The following GALNTL6 variants were observed in gnomAD, a reference collection of about 807,000 sequenced individuals.
The protein encoded by GALNTL6 is polypeptide N-acetylgalactosaminyltransferase like 6.
Under a neutral mutation model 73.7 loss-of-function variants are expected in GALNTL6, and 46 were observed. That is an observed-to-expected ratio of 0.62 (90% CI 0.49 to 0.80). The LOEUF is 0.80. Ranked by LOEUF, GALNTL6 falls within the 30% of genes least tolerant of loss-of-function variation. GALNTL6 has a pLI of 0.00. For synonymous variants in GALNTL6, 259 were observed against 263.7 expected (o/e 0.98, Z 0.17); for missense variants, 604 against 755.0 (o/e 0.80, Z 2.34).
At chr4:172,557,684 A>T (rs1560806548) in intron 5 of GALNTL6, among the ~76,000 whole-genome samples, 1 of 152,220 alleles carries the variant, frequency 6.6e-6, no homozygotes, top group Non-Finnish European at 1.5e-5. Context: ...TAAAACCATT[A>T]TGAAATACTA....
intron 2 of GALNTL6, among the ~76,000 whole-genome samples, chr4:172,156,174 A>C (rs1734253778): frequency 6.6e-6 from 1 of 152,016 alleles, no homozygotes; most frequent in African/African-American, 2.4e-5. Context: ...CCGAGTCTGA[A>C]GTGACTGCTA....
At chr4:172,132,817 A>G in intron 2 of GALNTL6, among the ~76,000 whole-genome samples, 1 of 152,276 alleles carries the variant, frequency 6.6e-6, no homozygotes, top group Middle Eastern at 3.4e-3. Flanking sequence ...TTATGAATCT[A>G]TCTCTCATAA....
At chr4:171,922,996 A>G (rs1391490559) in intron 2 of GALNTL6, among the ~76,000 whole-genome samples, 1 of 152,122 alleles carries the variant, frequency 6.6e-6, no homozygotes, top group African/African-American at 2.4e-5. Context: ...AATTACATAA[A>G]TTGTTGTGTA....
chr4:172,910,067 A>G (rs901693386), intron 8 of GALNTL6, among the ~76,000 whole-genome samples: 1 of 151,730 alleles, frequency 6.6e-6, no homozygotes, highest in Non-Finnish European at 1.5e-5. Context: ...GGGAATACAA[A>G]TGTTTTTATT....
At chr4:171,824,320 C>T (rs1579485592) in intron 2 of GALNTL6, among the ~76,000 whole-genome samples, 1 of 151,772 alleles carries the variant, frequency 6.6e-6, no homozygotes, top group Non-Finnish European at 1.5e-5. Flanking sequence ...TGGTGAAGGG[C>T]ATGGACACTA....
intron 10 of GALNTL6, among the ~76,000 whole-genome samples, chr4:172,983,701 A>AAT (rs1046084935): frequency 7.9e-5 from 12 of 152,140 alleles, no homozygotes; most frequent in Admixed American, 1.3e-4. Flanking sequence ...GTCTCAAAAA[A>AAT]ATATATATAT....
chr4:172,287,064 A>G (rs1739282012), intron 3 of GALNTL6, among the ~76,000 whole-genome samples: 1 of 152,184 alleles, frequency 6.6e-6, no homozygotes, highest in African/African-American at 2.4e-5. Context: ...TTCCCAAATC[A>G]AAAAGGCAAA....
At chr4:172,661,729 G>A (rs1199303915) in intron 5 of GALNTL6, among the ~76,000 whole-genome samples, 2 of 152,178 alleles carry the variant, frequency 1.3e-5, no homozygotes, top group African/African-American at 2.4e-5. Context: ...CCAAGCTCCA[G>A]TAATGTTCCA....
intron 5 of GALNTL6, among the ~76,000 whole-genome samples, chr4:172,750,890 G>A (rs1447481850): frequency 1.3e-5 from 2 of 151,702 alleles, no homozygotes; most frequent in Non-Finnish European, 2.9e-5. Flanking sequence ...AAGTCTGCTG[G>A]CAACACATTC....
chr4:172,358,831 T>C (rs1458402997), intron 5 of GALNTL6, among the ~76,000 whole-genome samples: 2 of 57,078 alleles, frequency 3.5e-5, no homozygotes, highest in African/African-American at 1.4e-4. Flanking sequence ...GAAAAAATTC[T>C]AAAATAATGA....
At chr4:172,110,379 A>G (rs566357160) in intron 2 of GALNTL6, among the ~76,000 whole-genome samples, 2 of 152,330 alleles carry the variant, frequency 1.3e-5, no homozygotes, top group South Asian at 4.1e-4. Flanking sequence ...CTGATGTTGC[A>G]TCAAAAATCT....
chr4:171,860,913 C>T (rs747218214), intron 2 of GALNTL6, among the ~76,000 whole-genome samples: 7 of 152,122 alleles, frequency 4.6e-5, no homozygotes, highest in Non-Finnish European at 8.8e-5. Flanking sequence ...ATTCCAAAGT[C>T]TTCCAGAATA....
At chr4:172,594,609 GAAT>G (rs1262126286) in intron 5 of GALNTL6, among the ~76,000 whole-genome samples, 1 of 151,984 alleles carries the variant, frequency 6.6e-6, no homozygotes, top group Non-Finnish European at 1.5e-5. Context: ...ATAAGTTCCA[GAAT>G]ATTATACATT....
At chr4:171,827,282 C>CCTGTA (rs1382804040) in intron 2 of GALNTL6, among the ~76,000 whole-genome samples, 1 of 152,026 alleles carries the variant, frequency 6.6e-6, no homozygotes, top group Non-Finnish European at 1.5e-5. Flanking sequence ...TTATGGCTGC[C>CCTGTA]ACTTAATTAT....
intron 5 of GALNTL6, among the ~76,000 whole-genome samples, chr4:172,737,322 T>G (rs1334549708): frequency 2.0e-5 from 3 of 152,156 alleles, no homozygotes; most frequent in Non-Finnish European, 4.4e-5. Context: ...TTTTTCCTTT[T>G]TCTCCTCTGA....
intron 5 of GALNTL6, among the ~76,000 whole-genome samples, chr4:172,698,108 G>A (rs921848973): frequency 1.3e-5 from 2 of 152,046 alleles, no homozygotes; most frequent in Non-Finnish European, 2.9e-5. Context: ...CAGAAGAAGT[G>A]CCTACAAATA....
At chr4:171,852,285 T>C (rs1735544108) in intron 2 of GALNTL6, among the ~76,000 whole-genome samples, 1 of 152,208 alleles carries the variant, frequency 6.6e-6, no homozygotes, top group South Asian at 2.1e-4. Context: ...TTGGCTCTTA[T>C]TCAAAGCAGC....
intron 5 of GALNTL6, among the ~76,000 whole-genome samples, chr4:172,502,656 C>T (rs1734300769): frequency 6.6e-6 from 1 of 152,068 alleles, no homozygotes; most frequent in Middle Eastern, 3.2e-3. Context: ...CCATGACTTT[C>T]CAAAAATCAA....
chr4:172,093,019 G>A (rs139810815), intron 2 of GALNTL6, among the ~76,000 whole-genome samples: 2,557 of 151,498 alleles, frequency 0.017, 62 homozygotes, highest in African/African-American at 0.055. Flanking sequence ...GACTACAGGC[G>A]CCCACCACCA....
Sources: gnomAD v4.1 joint callset for allele counts (sites outside exome capture counted in the v4.1 genomes callset) on GRCh38, gnomAD v4.1.1 for gene constraint, MANE v1.5 for transcripts, NCBI Gene and HGNC (gene_info 2026-07-23, HGNC 2026-07-21) for gene names.